Variants in HNRNPH1 observed in about 807,000 individuals in gnomAD.
HNRNPH1 encodes the protein heterogeneous nuclear ribonucleoprotein H1.
Under a neutral mutation model 58.6 loss-of-function variants are expected in HNRNPH1, and 4 were observed. That is an observed-to-expected ratio of 0.07 (90% CI 0.03 to 0.16). The LOEUF (loss-of-function observed/expected upper bound fraction) is 0.16, where lower values mean the gene tolerates loss of function less well. HNRNPH1 is among the 10% of genes least tolerant of loss of function. HNRNPH1 has a pLI of 1.00. For synonymous variants in HNRNPH1, 192 were observed against 189.2 expected, an observed-to-expected ratio of 1.01 and a Z score of -0.12; for missense variants, 271 against 564.2, an observed-to-expected ratio of 0.48 and a Z score of 5.26.
At chr5:179,617,446 T>C in intron 8 of HNRNPH1, 68 bp downstream of exon 9, 13 of 1,520,090 alleles carry the variant, frequency 8.6e-6, no homozygotes, top group Non-Finnish European at 1.2e-5. Context: ...TATTTTTCCA[T>C]TTCTCTATTG....
At chr5:179,621,900 A>C in intron 1 of HNRNPH1, 1 of 455,942 alleles carries the variant, frequency 2.2e-6, no homozygotes, top group South Asian at 1.6e-5. Context: ...GCTGAAGCCA[A>C]ACCCAGTGTT....
chr5:179,614,762 G>A (rs1008196937), exon 13 of HNRNPH1: 9 of 710,854 alleles, frequency 1.3e-5, no homozygotes, highest in Non-Finnish European at 2.0e-5. Flanking sequence ...TGCAGAAACT[G>A]TTAAACTGAA....
upstream of HNRNPH1, among the ~76,000 whole-genome samples, chr5:179,626,109 T>G (rs1774370106): frequency 6.7e-6 from 1 of 149,472 alleles, no homozygotes; most frequent in African/African-American, 2.5e-5. Context: ...GGTTTTTTTG[T>G]TTGGTTTTGT....
Sources: gnomAD v4.1 joint callset for allele counts (sites outside exome capture counted in the v4.1 genomes callset) on GRCh38, gnomAD v4.1.1 for gene constraint, MANE v1.5 for transcripts, NCBI Gene and HGNC (gene_info 2026-07-23, HGNC 2026-07-21) for gene names.